The following OR14A2 variants were observed in gnomAD, a reference collection of about 807,000 sequenced individuals.
The protein encoded by OR14A2 is olfactory receptor 14A2.
For synonymous variants in OR14A2, 114 were observed against 58.6 expected (o/e 1.95, Z -4.32); for missense variants, 237 against 152.9 (o/e 1.55, Z -2.90).
At chr1:247,747,984 G>T in the OR14A2 span, among the ~76,000 whole-genome samples, 1 of 152,122 alleles carries the variant, frequency 6.6e-6, no homozygotes, top group Non-Finnish European at 1.5e-5. Context: ...TATAAGCCAG[G>T]TACCAGGCTA....
At chr1:247,730,791 C>T in the OR14A2 span, among the ~76,000 whole-genome samples, 2 of 152,130 alleles carry the variant, frequency 1.3e-5, no homozygotes, top group South Asian at 4.2e-4. Flanking sequence ...GGTTGCTATC[C>T]CAGCCCAAGA....
chr1:247,739,579 G>A, the OR14A2 span: 1 of 753,522 alleles, frequency 1.3e-6, no homozygotes, highest in South Asian at 1.4e-5. Context: ...AAGATGGGAA[G>A]TAACTTTTTT....
At chr1:247,742,912 G>A in the OR14A2 span, among the ~76,000 whole-genome samples, 1 of 152,072 alleles carries the variant, frequency 6.6e-6, no homozygotes, top group African/African-American at 2.4e-5. Flanking sequence ...AATGTATCTA[G>A]AACTATGCTA....
chr1:247,734,049 CTG>C, the OR14A2 span, among the ~76,000 whole-genome samples: 1 of 152,140 alleles, frequency 6.6e-6, no homozygotes, highest in Non-Finnish European at 1.5e-5. Context: ...ACAGGTTGAA[CTG>C]TGTCTTTCCA....
chr1:247,723,927 A>G (rs925681322), exon 1 of OR14A2: 12 of 717,008 alleles, frequency 1.7e-5, no homozygotes, highest in Middle Eastern at 2.3e-4. Flanking sequence ...TGAGAAGGTT[A>G]CTCATTAGGG....
At chr1:247,743,064 G>A in the OR14A2 span, among the ~76,000 whole-genome samples, 1 of 152,136 alleles carries the variant, frequency 6.6e-6, no homozygotes, top group Non-Finnish European at 1.5e-5. Flanking sequence ...ATTTTTAAGT[G>A]TACTTGAAAC....
At chr1:247,734,789 A>G in the OR14A2 span, among the ~76,000 whole-genome samples, 1 of 152,220 alleles carries the variant, frequency 6.6e-6, no homozygotes, top group Non-Finnish European at 1.5e-5. Flanking sequence ...CTAAACGTCA[A>G]CTTCGCAATG....
upstream of OR14A2, among the ~76,000 whole-genome samples, chr1:247,728,932 G>T (rs1660453683): frequency 6.6e-6 from 1 of 152,032 alleles, no homozygotes; most frequent in African/African-American, 2.4e-5. Context: ...TAAACTCCGT[G>T]TCAACATAGC....
the OR14A2 span, among the ~76,000 whole-genome samples, chr1:247,741,845 C>T: frequency 6.6e-6 from 1 of 152,122 alleles, no homozygotes; most frequent in Non-Finnish European, 1.5e-5. Context: ...CCTTACTTTA[C>T]GAAACGTTCA....
chr1:247,733,970 A>C, the OR14A2 span, among the ~76,000 whole-genome samples: 20,201 of 152,174 alleles, frequency 0.13, 2,435 homozygotes, highest in African/African-American at 0.33. Context: ...TGATAAAAAT[A>C]AGGCTGTTAC....
chr1:247,743,905 T>C, the OR14A2 span, among the ~76,000 whole-genome samples: 1 of 152,224 alleles, frequency 6.6e-6, no homozygotes, highest in Non-Finnish European at 1.5e-5. Context: ...ATATTGAATA[T>C]ATTCTGCTAT....
At chr1:247,747,594 C>T in the OR14A2 span, among the ~76,000 whole-genome samples, 1 of 152,150 alleles carries the variant, frequency 6.6e-6, no homozygotes, top group African/African-American at 2.4e-5. Context: ...GATCTCCTGA[C>T]CTCATGATCC....
chr1:247,743,001 T>C, the OR14A2 span, among the ~76,000 whole-genome samples: 1 of 152,368 alleles, frequency 6.6e-6, no homozygotes. Flanking sequence ...GCTAAATTAG[T>C]ACTTTTAATT....
the OR14A2 span, among the ~76,000 whole-genome samples, chr1:247,734,569 G>T: frequency 6.6e-6 from 1 of 152,092 alleles, no homozygotes; most frequent in African/African-American, 2.4e-5. Flanking sequence ...AAAATGGAGG[G>T]ATATACCATC....
upstream of OR14A2, among the ~76,000 whole-genome samples, chr1:247,726,191 C>T (rs1485465143): frequency 7.6e-5 from 9 of 118,692 alleles, no homozygotes; most frequent in Middle Eastern, 3.9e-3. Context: ...TCTCCAGCAC[C>T]TGTTGTTTCC....
At chr1:247,738,142 A>G in the OR14A2 span, among the ~76,000 whole-genome samples, 2 of 152,196 alleles carry the variant, frequency 1.3e-5, no homozygotes, top group Admixed American at 6.5e-5. Flanking sequence ...GGGATAGTAA[A>G]TTAGAGTATC....
At chr1:247,724,003 C>A (rs1487155641) in exon 1 of OR14A2, 2 of 713,994 alleles carry the variant, frequency 2.8e-6, no homozygotes, top group Non-Finnish European at 5.2e-6. Flanking sequence ...ATTAGAAAAC[C>A]CCATAAGAAG....
chr1:247,726,441 C>T (rs1328446303), upstream of OR14A2, among the ~76,000 whole-genome samples: 1 of 137,064 alleles, frequency 7.3e-6, no homozygotes, highest in Non-Finnish European at 1.5e-5. Flanking sequence ...AGCCCTTTGT[C>T]AGATGAGTAG....
chr1:247,740,081 C>T, the OR14A2 span, among the ~76,000 whole-genome samples: 1 of 152,200 alleles, frequency 6.6e-6, no homozygotes, highest in African/African-American at 2.4e-5. Flanking sequence ...ATGACAACTT[C>T]AATGATTTTT....
Sources: gnomAD v4.1 joint callset for allele counts (sites outside exome capture counted in the v4.1 genomes callset) on GRCh38, gnomAD v4.1.1 for gene constraint, MANE v1.5 for transcripts, NCBI Gene and HGNC (gene_info 2026-07-23, HGNC 2026-07-21) for gene names.